Variants in LPGAT1 observed in about 807,000 individuals in gnomAD.
The protein encoded by LPGAT1 is acyl-CoA:lysophosphatidylglycerol acyltransferase 1.
A neutral mutation model predicts 47.5 loss-of-function variants in LPGAT1; 11 were observed. That is an observed-to-expected ratio of 0.23 (90% CI 0.15 to 0.38). The LOEUF (loss-of-function observed/expected upper bound fraction) is 0.38, where lower values mean the gene tolerates loss of function less well. LPGAT1 is among the 10% of genes least tolerant of loss of function. The pLI is 1.00. For synonymous variants in LPGAT1, 138 were observed against 144.2 expected (o/e 0.96, Z 0.31); for missense variants, 293 against 439.0 (o/e 0.67, Z 2.97).
rs577980595 is a variant in LPGAT1, at chr1:211,747,757, A to G, written c.*2142T>C. 8 of 152,464 alleles carry G rather than the reference A, an allele frequency of 5.2e-5. No individual in the cohort carries two copies. Among genetic ancestry groups the G allele is most frequent in the Admixed American group, 2.6e-4 (4 of 15,306 alleles). The allele number at this position is 152,464 out of a possible 1,614,324, so 9.4% of individuals were successfully genotyped here. On this transcript the variant is annotated 3_prime_UTR_variant, in exon 8 of 8. Transcript: ENST00000366997. ...TGGGCCTCAAACAGAAGCATCATTA[A>G]GCTTCTATTGGGCTTTCTGTCATCA...
chr1:211,825,152 CA>C (rs1431119685), intron 2 of LPGAT1, among the ~76,000 whole-genome samples: 1 of 144,604 alleles, frequency 6.9e-6, no homozygotes, highest in Non-Finnish European at 1.5e-5. Flanking sequence ...TTTCTATTAA[CA>C]GTAAATATTT....
chr1:211,760,557 T>C (rs1424144603), intron 6 of LPGAT1, among the ~76,000 whole-genome samples: 2 of 152,226 alleles, frequency 1.3e-5, no homozygotes, highest in East Asian at 1.9e-4. Flanking sequence ...GTATCTATAA[T>C]TAAGTACTAC....
chr1:211,795,833 C>T (rs1055858233), intron 2 of LPGAT1, among the ~76,000 whole-genome samples: 1 of 152,098 alleles, frequency 6.6e-6, no homozygotes, highest in Admixed American at 6.5e-5. Context: ...AATAAATCAG[C>T]ATCAGGCATG....
chr1:211,810,000 T>C (rs1659909440), intron 2 of LPGAT1, among the ~76,000 whole-genome samples: 1 of 152,144 alleles, frequency 6.6e-6, no homozygotes, highest in South Asian at 2.1e-4. Context: ...GCTTTAGAAC[T>C]GAACTATTAT....
rs141604711 is a variant in LPGAT1 at position 211,758,698 on chromosome 1, G to A, written c.855-7631C>T. On this transcript the variant is annotated intron_variant, in intron 6 of 7. Coordinates refer to ENST00000366997, the MANE Select transcript of LPGAT1 (RefSeq NM_014873.3). The stretch of plus-strand genomic sequence containing the variant: ...AGCCTAGGTGACAGAGTGAGACTCC[G>A]TCTCAGAAAAAAAAAAGAACCTCTA... Among the ~76,000 whole-genome samples the A allele has an allele frequency of 3.5e-4, 53 of 151,548 alleles. 1 individual carries two copies. In the East Asian group the frequency reaches 8.2e-3, roughly 23 times the overall value.
rs529750498 is a variant in LPGAT1, at chr1:211,762,332, T to C, written c.855-11265A>G. On this transcript the variant is annotated intron_variant, in intron 6 of 7. Transcript: ENST00000366997. Reference sequence around the variant, plus strand: ...GCTGGTGAAGTATCTATTGCTTCAATGGGGTTGAACACGGGGACGGGGCTA... The same window carrying C: ...GCTGGTGAAGTATCTATTGCTTCAACGGGGTTGAACACGGGGACGGGGCTA... Among the ~76,000 whole-genome samples the C allele has an allele frequency of 5.3e-5, 8 of 152,344 alleles. No individual in the cohort carries two copies. In the South Asian group the frequency reaches 1.4e-3, roughly 28 times the overall value.
intron 4 of LPGAT1, among the ~76,000 whole-genome samples, chr1:211,786,556 G>C (rs1262700154): frequency 6.6e-6 from 1 of 152,166 alleles, no homozygotes; most frequent in Non-Finnish European, 1.5e-5. Flanking sequence ...GTGCTGATAA[G>C]AGGCTATCAT....
intron 6 of LPGAT1, among the ~76,000 whole-genome samples, chr1:211,760,045 T>C (rs6664082): frequency 0.34 from 52,116 of 152,182 alleles, 9,806 homozygotes; most frequent in Non-Finnish European, 0.43. Context: ...AATTGGAGAA[T>C]TACCAAGTCA....
At position 211,747,846 on chromosome 1, in the gene LPGAT1, T is replaced by C. The variant is rs980934539; in HGVS notation, c.*2053A>G. The C allele has an allele frequency of 6.6e-6, 1 of 152,618 alleles. No individual in the cohort carries two copies. The highest frequency in any genetic ancestry group is 1.5e-5 in the Non-Finnish European group (1 of 68,034). 9.5% of individuals were successfully genotyped at this position (152,618 alleles called of 1,614,324 possible). ...CGACACTGTAGAACACATAATGAAA[T>C]GCTTAGATTTAAAAAAAAATTGCAT... On this transcript the variant is annotated 3_prime_UTR_variant, in exon 8 of 8. Transcript: ENST00000366997.
At chr1:211,779,995 T>A (rs956043114) in intron 5 of LPGAT1, among the ~76,000 whole-genome samples, 1 of 152,134 alleles carries the variant, frequency 6.6e-6, no homozygotes, top group East Asian at 1.9e-4. Context: ...CTAACCAACA[T>A]GGAGAAACCC....
At chr1:211,810,152 T>C (rs1659915090) in intron 2 of LPGAT1, among the ~76,000 whole-genome samples, 1 of 152,106 alleles carries the variant, frequency 6.6e-6, no homozygotes, top group African/African-American at 2.4e-5. Context: ...AGATGGTAAA[T>C]ATAATTAATT....
At chr1:211,750,817 G>GAGC in intron 7 of LPGAT1, 144 bp downstream of exon 7, 1 of 616,640 alleles carries the variant, frequency 1.6e-6, no homozygotes, top group Non-Finnish European at 2.9e-6. Context: ...AGGGTAAGCT[G>GAGC]ATTCATGAGG....
intron 2 of LPGAT1, among the ~76,000 whole-genome samples, chr1:211,797,286 C>A (rs1405726159): frequency 6.6e-6 from 1 of 150,576 alleles, no homozygotes; most frequent in Non-Finnish European, 1.5e-5. Context: ...AATGAAGGTA[C>A]CTAGATCAAC....
rs1656926801 is a variant in LPGAT1, at chr1:211,746,014, A to C, written c.*3885T>G. The C allele has an allele frequency of 6.6e-6, 1 of 152,628 alleles. No homozygotes were observed. The highest frequency in any genetic ancestry group is 2.1e-4 in the South Asian group (1 of 4,836). The allele number at this position is 152,628 out of a possible 1,614,324, so 9.5% of individuals were successfully genotyped here. On this transcript the variant is annotated 3_prime_UTR_variant, in exon 8 of 8. Transcript: ENST00000366997. ...ACTTCAAAAAAAGAACAAAGAAAACAATTAACTCTTCCTACTCAGTAGTGC... is the reference window on the plus strand; with the variant it reads ...ACTTCAAAAAAAGAACAAAGAAAACCATTAACTCTTCCTACTCAGTAGTGC...
chr1:211,818,008 T>A (rs1039147805), intron 2 of LPGAT1, among the ~76,000 whole-genome samples: 1 of 152,094 alleles, frequency 6.6e-6, no homozygotes, highest in Non-Finnish European at 1.5e-5. Context: ...CCAATTTTTG[T>A]ATTTTTAGCA....
At chr1:211,826,645 G>C (rs1262858744) in intron 2 of LPGAT1, among the ~76,000 whole-genome samples, 1 of 147,398 alleles carries the variant, frequency 6.8e-6, no homozygotes, top group African/African-American at 2.5e-5. Context: ...ATATTACACG[G>C]AATGTCATAA....
chr1:211,804,430 T>A (rs905675550), intron 2 of LPGAT1, among the ~76,000 whole-genome samples: 1 of 152,144 alleles, frequency 6.6e-6, no homozygotes, highest in African/African-American at 2.4e-5. Context: ...CATACATTCA[T>A]TGTAGTAAAT....
intron 5 of LPGAT1, among the ~76,000 whole-genome samples, chr1:211,780,044 G>A (rs1287508509): frequency 1.3e-5 from 2 of 151,502 alleles, no homozygotes; most frequent in African/African-American, 2.4e-5. Context: ...AGGCATGGTA[G>A]TGCACGCTTG....
chr1:211,777,770 C>T (rs557140813), intron 6 of LPGAT1, among the ~76,000 whole-genome samples: 154 of 152,230 alleles, frequency 1.0e-3, no homozygotes, highest in Non-Finnish European at 1.3e-3. Context: ...ATCCTGAATA[C>T]GGGCTGGGTA....
Sources: allele counts gnomAD v4.1 joint callset (sites outside exome capture counted in the v4.1 genomes callset), GRCh38; gene constraint gnomAD v4.1.1; transcripts MANE v1.5; gene names NCBI Gene and HGNC (gene_info 2026-07-23, HGNC 2026-07-21).